The following ZRANB3 variants were observed in gnomAD, a reference collection of about 807,000 sequenced individuals.
ZRANB3 encodes the protein DNA annealing helicase and endonuclease ZRANB3.
ZRANB3 carries 125 observed loss-of-function variants against 133.8 expected under a neutral mutation model. The ratio of observed to expected loss-of-function variants is 0.93; its 90% CI spans 0.81 to 1.08. ZRANB3 has a LOEUF of 1.08. Ranked by LOEUF, ZRANB3 falls within the 50% of genes least tolerant of loss-of-function variation. The pLI is 0.00. For missense variants in ZRANB3, 1,229 were observed against 1,275.5 expected (o/e 0.96, Z 0.56); for synonymous variants, 387 against 432.7 (o/e 0.89, Z 1.31).
chr2:135,487,477 A>G (rs1170325949), intron 2 of ZRANB3, among the ~76,000 whole-genome samples: 2 of 152,180 alleles, frequency 1.3e-5, no homozygotes, highest in Non-Finnish European at 1.5e-5. Flanking sequence ...TTTAGATGGT[A>G]TTTTCATCCA....
chr2:135,268,656 G>A (rs373171147), intron 11 of ZRANB3, among the ~76,000 whole-genome samples: 1 of 152,200 alleles, frequency 6.6e-6, no homozygotes. Flanking sequence ...CTTAGGTTAC[G>A]CAAAGGACTT....
At chr2:135,292,810 T>C (rs1189725684) in intron 8 of ZRANB3, among the ~76,000 whole-genome samples, 2 of 152,196 alleles carry the variant, frequency 1.3e-5, no homozygotes, top group Admixed American at 1.3e-4. Context: ...GCTTTCTACA[T>C]ATGGCTAGCC....
At chr2:135,218,972 T>C in intron 16 of ZRANB3, 105 bp downstream of exon 16, 1 of 753,202 alleles carries the variant, frequency 1.3e-6, no homozygotes, top group Non-Finnish European at 2.0e-6. Flanking sequence ...CTCTACAACA[T>C]GCCACAAAGT....
intron 2 of ZRANB3, among the ~76,000 whole-genome samples, chr2:135,462,661 C>T (rs1225837778): frequency 2.0e-5 from 3 of 150,700 alleles, no homozygotes; most frequent in Non-Finnish European, 4.4e-5. Flanking sequence ...GGCACTATCT[C>T]GGCTCACTGC....
chr2:135,414,894 C>A (rs971854476), intron 2 of ZRANB3, among the ~76,000 whole-genome samples: 37 of 152,182 alleles, frequency 2.4e-4, no homozygotes, highest in African/African-American at 8.9e-4. Flanking sequence ...TAAAGATGTT[C>A]TTTGAAACCA....
chr2:135,335,223 T>C (rs1684316024), intron 6 of ZRANB3, among the ~76,000 whole-genome samples: 1 of 152,072 alleles, frequency 6.6e-6, no homozygotes. Flanking sequence ...GAGGTGGAAA[T>C]GGTACAAAAT....
At chr2:135,262,249 G>A (rs1182186339) in intron 12 of ZRANB3, among the ~76,000 whole-genome samples, 1 of 150,908 alleles carries the variant, frequency 6.6e-6, no homozygotes, top group Non-Finnish European at 1.5e-5. Context: ...ATATTTGACG[G>A]AATTACATTC....
chr2:135,248,573 A>G (rs779977981), intron 12 of ZRANB3, among the ~76,000 whole-genome samples: 1 of 134,622 alleles, frequency 7.4e-6, no homozygotes, highest in Non-Finnish European at 1.5e-5. Context: ...TAAGAAACTT[A>G]AACAAATTTA....
At chr2:135,456,912 A>G (rs1294100805) in intron 2 of ZRANB3, among the ~76,000 whole-genome samples, 1 of 152,234 alleles carries the variant, frequency 6.6e-6, no homozygotes, top group Non-Finnish European at 1.5e-5. Flanking sequence ...GAGGGGCAGG[A>G]TTGACAAGGA....
At chr2:135,416,526 A>G (rs1665725346) in intron 2 of ZRANB3, among the ~76,000 whole-genome samples, 1 of 151,912 alleles carries the variant, frequency 6.6e-6, no homozygotes, top group South Asian at 2.1e-4. Flanking sequence ...GAAAATGGCC[A>G]TACTGCCCAA....
intron 8 of ZRANB3, among the ~76,000 whole-genome samples, chr2:135,298,530 G>GC (rs1558898283): frequency 6.6e-6 from 1 of 152,052 alleles, no homozygotes; most frequent in Non-Finnish European, 1.5e-5. Flanking sequence ...TGTGGTGCTC[G>GC]CCCCCTTCCC....
At chr2:135,247,458 TAGAG>T (rs1695848148) in intron 12 of ZRANB3, among the ~76,000 whole-genome samples, 2 of 152,032 alleles carry the variant, frequency 1.3e-5, no homozygotes, top group South Asian at 4.1e-4. Flanking sequence ...TCTCTGCAGA[TAGAG>T]AGAAAACAAA....
chr2:135,455,737 G>A (rs114534085), intron 2 of ZRANB3, among the ~76,000 whole-genome samples: 1,578 of 151,232 alleles, frequency 0.01, 26 homozygotes, highest in African/African-American at 0.036. Flanking sequence ...GACTATAGGC[G>A]CCCACTACCA....
chr2:135,475,268 T>C (rs897680451), intron 2 of ZRANB3, among the ~76,000 whole-genome samples: 2 of 152,208 alleles, frequency 1.3e-5, no homozygotes, highest in African/African-American at 2.4e-5. Flanking sequence ...CATGAAGCAT[T>C]CACTTAACAT....
intron 2 of ZRANB3, among the ~76,000 whole-genome samples, chr2:135,460,814 T>C (rs1043139244): frequency 2.6e-5 from 4 of 152,138 alleles, no homozygotes; most frequent in Non-Finnish European, 4.4e-5. Context: ...TATTCTATTT[T>C]TGCCTTAAAA....
At chr2:135,480,595 A>C (rs1289829752) in intron 2 of ZRANB3, among the ~76,000 whole-genome samples, 1 of 151,928 alleles carries the variant, frequency 6.6e-6, no homozygotes, top group Admixed American at 6.6e-5. Flanking sequence ...AAATACTACA[A>C]AGGTTTTTTT....
At chr2:135,522,580 A>G (rs1693994482) in intron 1 of ZRANB3, among the ~76,000 whole-genome samples, 1 of 152,116 alleles carries the variant, frequency 6.6e-6, no homozygotes, top group Admixed American at 6.5e-5. Context: ...CAGGCAGATC[A>G]CCTGAGGTCA....
chr2:135,295,347 C>T (rs1477435776), intron 8 of ZRANB3, among the ~76,000 whole-genome samples: 1 of 152,040 alleles, frequency 6.6e-6, no homozygotes, highest in East Asian at 1.9e-4. Flanking sequence ...TTCTTTGTCT[C>T]TTTTGATCTT....
rs139659263 is a variant in ZRANB3 at position 135,313,566 on chromosome 2, T to G, written c.889A>C (p.Arg297=). Residue 297 remains arginine, a synonymous_variant, in exon 8 of 21, where the codon AGA becomes CGA. Transcript: ENST00000264159. The part of the protein sequence containing the change: ...TSFEEWEKIM[R]TPNSGAMETV... The stretch of plus-strand genomic sequence containing the variant: ...TCCATGGCACCTGAATTTGGAGTTC[T>G]CATTATTTTTTCCCACTCTTCAAAG... The G allele has an allele frequency of 4.3e-5, 69 of 1,613,750 alleles. No individual in the cohort carries two copies. The highest frequency in any genetic ancestry group is 5.6e-5 in the Non-Finnish European group (66 of 1,179,834).
Sources: allele counts gnomAD v4.1 joint callset (sites outside exome capture counted in the v4.1 genomes callset), GRCh38; gene constraint gnomAD v4.1.1; transcripts MANE v1.5; gene names NCBI Gene and HGNC (gene_info 2026-07-23, HGNC 2026-07-21).